Variants in DGKH observed in about 807,000 individuals in gnomAD.
DGKH encodes diacylglycerol kinase eta.
DGKH carries 90 observed loss-of-function variants against 159.3 expected under a neutral mutation model. The observed-to-expected ratio is 0.57, with a 90% CI of 0.48 to 0.67. The LOEUF is 0.67. Ranked by LOEUF, DGKH falls within the 30% of genes least tolerant of loss-of-function variation. The pLI is 0.00. For synonymous variants in DGKH, 536 were observed against 553.8 expected, an observed-to-expected ratio of 0.97 and a Z score of 0.45; for missense variants, 1,181 against 1,506.1, an observed-to-expected ratio of 0.78 and a Z score of 3.57.
At chr13:42,070,922 T>C in intron 1 of DGKH, 1 of 1,274,568 alleles carries the variant, frequency 7.8e-7, no homozygotes. Context: ...TGTTTGACAC[T>C]CTGGGGATTG....
intron 1 of DGKH, among the ~76,000 whole-genome samples, chr13:42,074,648 GTCCATCCATCCATCCA>G (rs10589269): frequency 3.4e-5 from 5 of 148,944 alleles, no homozygotes; most frequent in South Asian, 2.2e-4. Context: ...GTATCTATCC[GTCCATCCATCCATCCA>G]TCCATCCATC....
At chr13:42,061,620 C>G (rs1487756204) in intron 1 of DGKH, among the ~76,000 whole-genome samples, 1 of 152,146 alleles carries the variant, frequency 6.6e-6, no homozygotes, top group Non-Finnish European at 1.5e-5. Context: ...CCATATATTT[C>G]CTCTCTTCTC....
chr13:42,048,632 C>G (rs995599377), upstream of DGKH: 5 of 1,099,296 alleles, frequency 4.5e-6, no homozygotes, highest in African/African-American at 3.3e-5. This position sits in a 1 kb window ranked among gnomAD's most constrained non-coding sequence, Gnocchi z 6.7. Flanking sequence ...CGACCCTTAC[C>G]TCGCGGGGGT....
intron 20 of DGKH, among the ~76,000 whole-genome samples, chr13:42,205,063 A>G (rs957398114): frequency 2.0e-5 from 3 of 152,168 alleles, no homozygotes; most frequent in African/African-American, 7.2e-5. Flanking sequence ...ATTATTTTTA[A>G]TATAAGAATT....
At chr13:42,074,843 A>T (rs1954065010) in intron 1 of DGKH, among the ~76,000 whole-genome samples, 1 of 152,230 alleles carries the variant, frequency 6.6e-6, no homozygotes, top group South Asian at 2.1e-4. Context: ...TAATAAATGC[A>T]TAATTTAATT....
At chr13:42,244,903 CAAAAAAAAAAAAAA>C (rs57184890), downstream of DGKH, among the ~76,000 whole-genome samples, 83 of 42,960 alleles carry the variant, frequency 1.9e-3, 2 homozygotes, top group Non-Finnish European at 2.4e-3. Flanking sequence ...GACTCCGTCT[CAAAAAAAAAAAAAA>C]AAAAAAAAAA....
chr13:42,155,466 C>G, intron 4 of DGKH, 71 bp downstream of exon 4: 14 of 1,508,100 alleles, frequency 9.3e-6, no homozygotes, highest in Non-Finnish European at 1.3e-5. Flanking sequence ...TAGAGCTCTA[C>G]CGTGCAAACA....
At chr13:42,190,588 C>A in intron 16 of DGKH, 63 bp downstream of exon 16, 2 of 1,496,740 alleles carry the variant, frequency 1.3e-6, no homozygotes, top group Non-Finnish European at 1.8e-6. Flanking sequence ...TTTTAGTTTT[C>A]AAAAGGCTGA....
intron 1 of DGKH, among the ~76,000 whole-genome samples, chr13:42,109,486 T>C (rs1954819010): frequency 6.6e-6 from 1 of 152,180 alleles, no homozygotes; most frequent in African/African-American, 2.4e-5. Context: ...TAAACAGAAG[T>C]AGCCTAAGGG....
Position 42,214,570 on chromosome 13 carries a change from C to T in DGKH, c.3078C>T (p.Ala1026=). 1 of 1,613,706 alleles carries T rather than the reference C, an allele frequency of 6.2e-7. No homozygotes were observed. The highest frequency in any genetic ancestry group is 8.5e-7 in the Non-Finnish European group (1 of 1,179,758). The part of the protein sequence containing the change: ...LEQELAHAVN[A]CSHALNKANP... ...AAGAACTGGCCCATGCTGTGAATGC[C>T]TGCTCCCATGCCCTGAATAAAGCCA... The change falls in exon 25 of 30, where the codon GCC becomes GCT. Residue 1026 remains alanine (A), a synonymous_variant. Coordinates refer to ENST00000337343, the MANE Select transcript of DGKH (RefSeq NM_178009.5).
intron 17 of DGKH, chr13:42,195,920 C>G (rs1266768610): frequency 6.6e-6 from 1 of 152,064 alleles, no homozygotes; most frequent in Non-Finnish European, 1.5e-5. Flanking sequence ...GACTAGTATC[C>G]AGAACATATA....
intron 1 of DGKH, among the ~76,000 whole-genome samples, chr13:42,043,223 C>T (rs1880618954): frequency 6.6e-6 from 1 of 152,094 alleles, no homozygotes; most frequent in African/African-American, 2.4e-5. Context: ...ATATGTAAAA[C>T]ATTTTAATAC....
chr13:42,168,312 G>T, intron 9 of DGKH, 128 bp from the exon 10 acceptor site: 1 of 718,202 alleles, frequency 1.4e-6, no homozygotes, highest in Non-Finnish European at 2.2e-6. Flanking sequence ...AATGTTTATG[G>T]TATAATTAAC....
chr13:42,158,699 T>C lies in DGKH; in HGVS notation c.623-567T>C, dbSNP rs148897590. 1.8e-3 allele frequency among the ~76,000 whole-genome samples: 269 copies of C among 152,298 alleles called. 4 individuals carry two copies. The East Asian group carries it at 0.043, about 24-fold the overall frequency. ...CTTTCCAAAGATAGGGCCGTGTTGG[T>C]CACCCTCACCAACCTATTTTCCATG... is the stretch of plus-strand genomic sequence containing the variant. On this transcript the variant is annotated intron_variant, in intron 5 of 29. Transcript: ENST00000337343.
chr13:42,155,467 C>T (rs898034284), intron 4 of DGKH, 72 bp downstream of exon 4: 25 of 1,501,598 alleles, frequency 1.7e-5, no homozygotes, highest in Middle Eastern at 1.7e-4. Context: ...AGAGCTCTAC[C>T]GTGCAAACAT....
chr13:42,043,390 G>A (rs979398418), intron 1 of DGKH, among the ~76,000 whole-genome samples: 1 of 151,992 alleles, frequency 6.6e-6, no homozygotes, highest in Non-Finnish European at 1.5e-5. Flanking sequence ...GGCTTGCTGT[G>A]TTGCCCAGGC....
chr13:42,196,733 A>T (rs1957211873), intron 17 of DGKH, among the ~76,000 whole-genome samples: 1 of 152,242 alleles, frequency 6.6e-6, no homozygotes, highest in East Asian at 1.9e-4. Flanking sequence ...TGTATATATT[A>T]CAAACAACTG....
At chr13:42,200,459 G>A (rs1957321351) in intron 20 of DGKH, among the ~76,000 whole-genome samples, 1 of 152,118 alleles carries the variant, frequency 6.6e-6, no homozygotes, top group Non-Finnish European at 1.5e-5. Flanking sequence ...AAACAACAAG[G>A]CTGAGGATAT....
chr13:42,168,176 T>G (rs1956356106), intron 9 of DGKH, among the ~76,000 whole-genome samples: 1 of 152,228 alleles, frequency 6.6e-6, no homozygotes, highest in African/African-American at 2.4e-5. Flanking sequence ...TTTCCCGGTT[T>G]CTGCTGCTTT....
Sources: allele counts gnomAD v4.1 joint callset (sites outside exome capture counted in the v4.1 genomes callset), GRCh38; gene constraint gnomAD v4.1.1; non-coding constraint Gnocchi (gnomAD v3.1); transcripts MANE v1.5; gene names NCBI Gene and HGNC (gene_info 2026-07-23, HGNC 2026-07-21).